Variants in SCN11A observed in about 807,000 individuals in gnomAD.
SCN11A encodes the protein sodium voltage-gated channel alpha subunit 11, also known as sodium channel protein type 11 subunit alpha.
SCN11A carries 122 observed loss-of-function variants against 162.2 expected under a neutral mutation model. The observed-to-expected ratio is 0.75, with a 90% confidence interval of 0.65 to 0.87. The LOEUF (loss-of-function observed/expected upper bound fraction) is 0.87, where lower values mean the gene tolerates loss of function less well. Ranked by LOEUF, SCN11A falls within the 40% of genes least tolerant of loss-of-function variation. The pLI, the probability that SCN11A is intolerant of heterozygous loss-of-function variation, is 0.00. For synonymous variants in SCN11A, 758 were observed against 751.5 expected (o/e 1.01, Z -0.14); for missense variants, 2,015 against 2,181.6 (o/e 0.92, Z 1.52).
intron 2 of SCN11A, among the ~76,000 whole-genome samples, chr3:39,030,506 A>G (rs2031720476): frequency 6.6e-6 from 1 of 152,224 alleles, no homozygotes; most frequent in South Asian, 2.1e-4. Flanking sequence ...TACATGAGTG[A>G]CTTTATGGTA....
chr3:38,973,559 A>G (rs1405769207), intron 2 of SCN11A, among the ~76,000 whole-genome samples: 1 of 152,228 alleles, frequency 6.6e-6, no homozygotes, highest in Non-Finnish European at 1.5e-5. Context: ...ATAGTTAGAT[A>G]CCTTGAATAA....
intron 7 of SCN11A, among the ~76,000 whole-genome samples, chr3:38,933,954 A>C (rs1293729183): frequency 1.3e-5 from 2 of 152,240 alleles, no homozygotes; most frequent in African/African-American, 4.8e-5. Flanking sequence ...GAAGGAAAAA[A>C]TGTTAAGCGC....
At position 38,863,207 on chromosome 3, in the gene SCN11A, A is replaced by AATGGG; in HGVS notation, c.4039_4043dup (p.Arg1350PhefsTer5). 1 of 1,572,056 alleles carries AATGGG rather than the reference A, an allele frequency of 6.4e-7. No individual in the cohort carries two copies. Among genetic ancestry groups the AATGGG allele is most frequent in the Non-Finnish European group, 8.8e-7 (1 of 1,142,016 alleles). ...CAATTGCTCTCACCAGAGGCCGTGG[A>AATGGG]ATGGGTTTTTGAGGTTTTTTGGATC... On this transcript the variant is annotated frameshift_variant, in exon 28 of 30. Coordinates refer to ENST00000302328, the MANE Select transcript of SCN11A (RefSeq NM_001349253.2). LOFTEE classifies it high-confidence loss of function.
intron 1 of SCN11A, among the ~76,000 whole-genome samples, chr3:39,042,388 C>A (rs1242117832): frequency 1.3e-5 from 2 of 152,128 alleles, no homozygotes; most frequent in Non-Finnish European, 2.9e-5. Flanking sequence ...GAAATTTCTA[C>A]AAGAAAAACA....
At chr3:38,965,535 G>T (rs1371560903) in intron 2 of SCN11A, among the ~76,000 whole-genome samples, 1 of 152,008 alleles carries the variant, frequency 6.6e-6, no homozygotes, top group African/African-American at 2.4e-5. Flanking sequence ...TCCCTATCCT[G>T]ACCACCCCTG....
chr3:39,036,036 C>T (rs1057200346), intron 1 of SCN11A, among the ~76,000 whole-genome samples: 1 of 152,238 alleles, frequency 6.6e-6, no homozygotes, highest in Non-Finnish European at 1.5e-5. Flanking sequence ...GAGGTCACCA[C>T]ATTGATGCCA....
chr3:38,866,132 G>A (rs920720038), intron 27 of SCN11A, among the ~76,000 whole-genome samples: 1 of 151,588 alleles, frequency 6.6e-6, no homozygotes, highest in African/African-American at 2.4e-5. Flanking sequence ...ACCTATAAAT[G>A]TCCAAAGAGG....
At chr3:39,044,754 C>T (rs755893110) in intron 1 of SCN11A, among the ~76,000 whole-genome samples, 3 of 151,710 alleles carry the variant, frequency 2.0e-5, no homozygotes, top group Non-Finnish European at 4.4e-5. Context: ...TAATGATGCA[C>T]GTCAAGGAAC....
intron 2 of SCN11A, among the ~76,000 whole-genome samples, chr3:38,980,585 G>A (rs951969193): frequency 6.6e-6 from 1 of 152,204 alleles, no homozygotes; most frequent in African/African-American, 2.4e-5. Context: ...GGAGGATAAG[G>A]AAAGATATGT....
At chr3:39,000,520 C>G (rs1297128650) in intron 2 of SCN11A, among the ~76,000 whole-genome samples, 1 of 152,154 alleles carries the variant, frequency 6.6e-6, no homozygotes, top group African/African-American at 2.4e-5. Flanking sequence ...TCAACTCCCC[C>G]CTCCCCAAAC....
chr3:38,878,779 C>T (rs1252391078), intron 23 of SCN11A, among the ~76,000 whole-genome samples: 1 of 152,012 alleles, frequency 6.6e-6, no homozygotes, highest in East Asian at 1.9e-4. Context: ...TATTGATGTC[C>T]ATATTAAATG....
In SCN11A at chr3:38,846,863, C is replaced by A. The variant is rs143852849; in HGVS notation, c.5207G>T (p.Gly1736Val). 2,108 of 1,613,880 alleles carry A rather than the reference C, an allele frequency of 1.3e-3. 4 individuals are homozygous for A. Among genetic ancestry groups the A allele is most frequent in the Non-Finnish European group, 1.4e-3 (1,599 of 1,179,966 alleles). Residue 1736 changes from glycine to valine, a missense_variant, in exon 30 of 30, where the codon GGT becomes GTT. Transcript: ENST00000302328. ...TTTKRKEEERGAAIIQKAFRK... is the reference protein window; with the variant it reads ...TTTKRKEEERVAAIIQKAFRK... Reference sequence around the variant, plus strand: ...AAAGGCCTTTTGAATAATAGCAGCACCTCTTTCCTCTTCCTTTCTCTTGGT... The same window carrying A: ...AAAGGCCTTTTGAATAATAGCAGCAACTCTTTCCTCTTCCTTTCTCTTGGT...
At chr3:39,034,661 G>T (rs903282698) in intron 1 of SCN11A, among the ~76,000 whole-genome samples, 1 of 152,194 alleles carries the variant, frequency 6.6e-6, no homozygotes, top group East Asian at 1.9e-4. Flanking sequence ...TGGAAAGAAA[G>T]AAGTCAAATT....
chr3:38,951,836 C>T (rs1023305176), intron 4 of SCN11A, among the ~76,000 whole-genome samples: 2 of 152,032 alleles, frequency 1.3e-5, no homozygotes. Flanking sequence ...GGAATGTAAA[C>T]GCACCAATCA....
chr3:38,949,802 A>G (rs1463117294), intron 5 of SCN11A, among the ~76,000 whole-genome samples: 5 of 152,176 alleles, frequency 3.3e-5, no homozygotes, highest in Admixed American at 1.3e-4. Flanking sequence ...TTCTGGGACT[A>G]CTAGTCCAGT....
At chr3:38,931,493 G>C (rs1009456787) in intron 7 of SCN11A, among the ~76,000 whole-genome samples, 1 of 152,240 alleles carries the variant, frequency 6.6e-6, no homozygotes, top group Non-Finnish European at 1.5e-5. Context: ...GGGTGGAAGT[G>C]ACTGGAGACT....
intron 19 of SCN11A, among the ~76,000 whole-genome samples, chr3:38,892,050 C>G (rs1037921983): frequency 6.6e-6 from 1 of 152,140 alleles, no homozygotes; most frequent in Non-Finnish European, 1.5e-5. Context: ...AGTGGTTCAT[C>G]ATGTACAAGG....
intron 11 of SCN11A, among the ~76,000 whole-genome samples, chr3:38,912,858 T>C (rs1265409445): frequency 6.6e-6 from 1 of 152,230 alleles, no homozygotes; most frequent in African/African-American, 2.4e-5. Context: ...GTGTACCACA[T>C]TTTCTTTATC....
At chr3:38,936,959 T>C (rs1029575428) in intron 7 of SCN11A, among the ~76,000 whole-genome samples, 6 of 152,012 alleles carry the variant, frequency 3.9e-5, no homozygotes, top group Admixed American at 3.9e-4. Flanking sequence ...TCACGCTACC[T>C]GACTTCAAAC....
Sources: allele counts gnomAD v4.1 joint callset (sites outside exome capture counted in the v4.1 genomes callset), GRCh38; gene constraint gnomAD v4.1.1; transcripts MANE v1.5; gene names NCBI Gene and HGNC (gene_info 2026-07-23, HGNC 2026-07-21).